VSTM4: variants seen among roughly 807,000 people sequenced by gnomAD.
The protein encoded by VSTM4 is V-set and transmembrane domain-containing protein 4.
VSTM4 carries 20 observed loss-of-function variants against 36.4 expected under a neutral mutation model. The ratio of observed to expected loss-of-function variants is 0.55; its 90% CI spans 0.39 to 0.80. The LOEUF is 0.80. VSTM4 is among the 30% of genes least tolerant of loss of function. The pLI, the probability that VSTM4 is intolerant of heterozygous loss-of-function variation, is 0.00. For synonymous variants in VSTM4, 182 were observed against 173.9 expected (o/e 1.05, Z -0.37); for missense variants, 392 against 404.5 (o/e 0.97, Z 0.26).
In VSTM4 at chr10:49,046,986, C is replaced by T. The variant is rs750910357; in HGVS notation, c.834G>A (p.Thr278=). 140 of 1,613,824 alleles carry T rather than the reference C, an allele frequency of 8.7e-5. No homozygotes were observed. Among genetic ancestry groups the T allele is most frequent in the Non-Finnish European group, 1.1e-4 (135 of 1,179,888 alleles). Residue 278 remains threonine, a synonymous_variant, in exon 7 of 8, where the codon ACG becomes ACA. Transcript: ENST00000332853. ...PKLLKPQRKV[T]LPKIAEENLT... is the part of the protein sequence containing the mutation. ...AATACAGAAGACGGTTACTTACCAG[C>T]GTGACTTTTCTCTGTGGTTTCAGCA...
chr10:49,046,867 G>A, intron 7 of VSTM4, 116 bp downstream of exon 7: 1 of 1,028,362 alleles, frequency 9.7e-7, no homozygotes. Flanking sequence ...TTTTTGTTTG[G>A]GGACAAAAGT....
chr10:49,103,431 G>GAT (rs1480346216), intron 2 of VSTM4: 1 of 751,082 alleles, frequency 1.3e-6, no homozygotes, highest in African/African-American at 1.9e-5. Context: ...GTTGAGTAGA[G>GAT]ATATGGTAAG....
At chr10:49,077,428 C>T (rs1844200010) in intron 3 of VSTM4, 102 bp from the exon 4 acceptor site, 1 of 1,033,806 alleles carries the variant, frequency 9.7e-7, no homozygotes, top group South Asian at 1.4e-5. Context: ...AATCCCAGTG[C>T]TACAGTCAAC....
At chr10:49,103,005 AG>A (rs1039361165) in intron 2 of VSTM4, 1 of 153,108 alleles carries the variant, frequency 6.5e-6, no homozygotes, top group African/African-American at 2.4e-5. Flanking sequence ...CGTGGGGAAA[AG>A]GCATTTTCAA....
intron 7 of VSTM4, among the ~76,000 whole-genome samples, chr10:49,023,159 T>A (rs1843207154): frequency 6.6e-6 from 1 of 152,240 alleles, no homozygotes; most frequent in Non-Finnish European, 1.5e-5. Flanking sequence ...AATATAATAA[T>A]TTGATTGAAG....
chr10:49,057,609 C>T (rs148214983), intron 5 of VSTM4, among the ~76,000 whole-genome samples: 1 of 152,304 alleles, frequency 6.6e-6, no homozygotes, highest in East Asian at 1.9e-4. Context: ...CTGCCCTCCC[C>T]ACTCCCACCC....
At chr10:49,092,611 T>A (rs565435592) in intron 2 of VSTM4, among the ~76,000 whole-genome samples, 2 of 152,086 alleles carry the variant, frequency 1.3e-5, no homozygotes, top group East Asian at 3.9e-4. Flanking sequence ...GCGTGCTGGG[T>A]AGAGGAGGGC....
chr10:49,060,146 T>A (rs993456588), intron 5 of VSTM4, among the ~76,000 whole-genome samples: 1 of 152,250 alleles, frequency 6.6e-6, no homozygotes, highest in Non-Finnish European at 1.5e-5. Flanking sequence ...TTTCTGGTTA[T>A]CATGAACACA....
chr10:49,090,338 T>C (rs556741484), intron 2 of VSTM4, among the ~76,000 whole-genome samples: 143 of 152,308 alleles, frequency 9.4e-4, no homozygotes, highest in Non-Finnish European at 1.8e-3. Flanking sequence ...TTGTACCAAT[T>C]TGCTGACTCT....
In VSTM4 at chr10:49,043,445, T is replaced by C. The variant is rs184878298; in HGVS notation, c.837+3538A>G. Among the ~76,000 whole-genome samples the C allele has an allele frequency of 1.3e-4, 20 of 152,280 alleles. No homozygotes were observed. In the East Asian group the frequency reaches 3.1e-3, roughly 23 times the overall value. On this transcript the variant is annotated intron_variant, in intron 7 of 7. Transcript: ENST00000332853. ...GGAATTATAGGTGACAGTCATGAGGTTGGCATTTATGTTCAGCAATACAGG... is the reference window on the plus strand; with the variant it reads ...GGAATTATAGGTGACAGTCATGAGGCTGGCATTTATGTTCAGCAATACAGG...
intron 5 of VSTM4, among the ~76,000 whole-genome samples, chr10:49,057,509 C>T (rs1003657354): frequency 6.6e-6 from 1 of 152,220 alleles, no homozygotes; most frequent in African/African-American, 2.4e-5. Flanking sequence ...GTTCACAAAG[C>T]TGCCAAGTGG....
At chr10:49,035,000 C>T (rs540728500) in intron 7 of VSTM4, among the ~76,000 whole-genome samples, 14 of 152,332 alleles carry the variant, frequency 9.2e-5, no homozygotes, top group East Asian at 1.9e-4. Context: ...AAATCAGCCA[C>T]GCTGAGATGG....
chr10:49,031,911 TCTACTTCAGGAC>T (rs1347739253), intron 7 of VSTM4, among the ~76,000 whole-genome samples: 1 of 152,022 alleles, frequency 6.6e-6, no homozygotes, highest in African/African-American at 2.4e-5. Flanking sequence ...TCATTCAGGG[TCTACTTCAGGAC>T]CTTTGCCCAG....
At chr10:49,074,248 T>C (rs577917461) in intron 4 of VSTM4, among the ~76,000 whole-genome samples, 32 of 152,262 alleles carry the variant, frequency 2.1e-4, no homozygotes, top group Non-Finnish European at 3.7e-4. Context: ...TTATAAAGCA[T>C]TAAGTTGATT....
rs1273731125 is a variant in VSTM4 at position 49,017,939 on chromosome 10, C to A, written c.*1711G>T. 1.3e-5 allele frequency: 2 copies of A among 152,214 alleles called. No individual in the cohort carries two copies. The highest frequency in any genetic ancestry group is 2.9e-5 in the Non-Finnish European group (2 of 68,028). The allele number at this position is 152,214 out of a possible 1,614,324, so 9.4% of individuals were successfully genotyped here. ...TTCTAGTGAGTTCTTCCAAATGGTT[C>A]TTTCTTCCTCAAAAGCTGCATGGTT... is the stretch of plus-strand genomic sequence containing the variant. On this transcript the variant is annotated 3_prime_UTR_variant, in exon 8 of 8. Coordinates refer to ENST00000332853, the MANE Select transcript of VSTM4 (RefSeq NM_001031746.5).
At chr10:49,029,529 A>C (rs1020737541) in intron 7 of VSTM4, among the ~76,000 whole-genome samples, 1 of 152,204 alleles carries the variant, frequency 6.6e-6, no homozygotes, top group Non-Finnish European at 1.5e-5. Flanking sequence ...ATTCAGAGCC[A>C]GTCAGTCCTT....
At chr10:49,061,453 C>T (rs1286148331) in intron 5 of VSTM4, among the ~76,000 whole-genome samples, 2 of 152,256 alleles carry the variant, frequency 1.3e-5, no homozygotes, top group East Asian at 1.9e-4. Flanking sequence ...CTATCTACAG[C>T]AGGTCAATCA....
chr10:49,107,153 A>G (rs944353593), intron 2 of VSTM4, among the ~76,000 whole-genome samples: 1 of 152,194 alleles, frequency 6.6e-6, no homozygotes, highest in Admixed American at 6.5e-5. Context: ...TTCTCCTTTT[A>G]AAACAACCAG....
rs770453201 is a variant in VSTM4, at chr10:49,077,225, A to C, written c.628T>G (p.Ser210Ala). The C allele has an allele frequency of 6.2e-7, 1 of 1,613,846 alleles. No homozygotes were observed. Among genetic ancestry groups the C allele is most frequent in the East Asian group, 2.2e-5 (1 of 44,884 alleles). The change falls in exon 4 of 8, where the codon TCC becomes GCC. Residue 210 changes from serine (S) to alanine (A), a missense_variant. Physicochemically the swap from Ser to Ala is moderately conservative, Grantham distance 99. Transcript: ENST00000332853. The stretch of plus-strand genomic sequence containing the variant: ...ACCTTATCTGTTTTCTTACCTCTGG[A>C]TTTCCGCTTGTTAAACACAGACTGC... ...VWQSVFNKRK[S>A]RVRHYLVKCP...
Sources: allele counts gnomAD v4.1 joint callset (sites outside exome capture counted in the v4.1 genomes callset), GRCh38; gene constraint gnomAD v4.1.1; transcripts MANE v1.5; gene names NCBI Gene and HGNC (gene_info 2026-07-23, HGNC 2026-07-21).